MON2: variants seen among roughly 807,000 people sequenced by gnomAD.
MON2 encodes the protein protein MON2 homolog.
Under a neutral mutation model 208.6 loss-of-function variants are expected in MON2, and 84 were observed. The observed-to-expected ratio is 0.40, with a 90% confidence interval of 0.34 to 0.48. MON2 has a LOEUF of 0.48. Among genes scored for constraint, MON2 ranks in the 20% least tolerant of loss-of-function variants. MON2 has a pLI of 0.59. For synonymous variants in MON2, 660 were observed against 694.0 expected (o/e 0.95, Z 0.77); for missense variants, 1,611 against 2,015.4 (o/e 0.80, Z 3.84).
chr12:62,504,950 T>C (rs2071025870), intron 7 of MON2, among the ~76,000 whole-genome samples: 1 of 152,018 alleles, frequency 6.6e-6, no homozygotes, highest in Admixed American at 6.6e-5. Context: ...AGCTTGTAAA[T>C]GAAGGATTAA....
intron 30 of MON2, among the ~76,000 whole-genome samples, chr12:62,572,257 C>T (rs1394682301): frequency 6.6e-6 from 1 of 152,116 alleles, no homozygotes; most frequent in African/African-American, 2.4e-5. Context: ...TACTCATTGC[C>T]ACGGGTGACT....
chr12:62,509,197 C>T (rs543879479), intron 8 of MON2: 3 of 151,808 alleles, frequency 2.0e-5, no homozygotes, highest in African/African-American at 7.3e-5. Flanking sequence ...TCACTGCAAC[C>T]TCCACCTCCT....
At chr12:62,570,450 C>G (rs757375948) in intron 29 of MON2, among the ~76,000 whole-genome samples, 1 of 152,032 alleles carries the variant, frequency 6.6e-6, no homozygotes. Context: ...TTTACTCTTC[C>G]CTCACCATTA....
intron 19 of MON2, among the ~76,000 whole-genome samples, chr12:62,539,426 G>C (rs895177969): frequency 1.3e-5 from 2 of 151,872 alleles, no homozygotes; most frequent in African/African-American, 2.4e-5. Context: ...ACCACGCCCG[G>C]CTAATTTTTT....
Position 62,547,075 on chromosome 12 carries a change from A to G in MON2, c.2753+3A>G. The G allele has an allele frequency of 6.9e-7, 1 of 1,451,472 alleles. No individual in the cohort carries two copies. The highest frequency in any genetic ancestry group is 1.7e-5 in the South Asian group (1 of 60,372). The allele number at this position is 1,451,472 out of a possible 1,614,324, so 89.9% of individuals were successfully genotyped here. ...GGAGCAATCAGAAATGATCAAGGGT[A>G]AGTATTTAAAATTATTTGAGAAAAA... On this transcript the variant is annotated splice_donor_region_variant and intron_variant, in intron 22 of 34. Transcript: ENST00000393630.
Position 62,500,879 on chromosome 12 carries a change from A to T in MON2, c.662A>T (p.Gln221Leu). The change falls in exon 6 of 35, where the codon CAG becomes CTG. Residue 221 changes from glutamine (Q) to leucine (L), a missense_variant and splice_region_variant. Transcript: ENST00000393630. ...GCTAAAGATGCATATATGCTTTTCC[A>T]GGTATTTTAGTTGATAAAAGTAATT... is the stretch of plus-strand genomic sequence containing the variant. ...PCAKDAYMLF[Q>L]DLCQLVNADA... is the part of the protein sequence containing the mutation. The T allele has an allele frequency of 6.6e-7, 1 of 1,524,676 alleles. No homozygotes were observed. The highest frequency in any genetic ancestry group is 8.9e-7 in the Non-Finnish European group (1 of 1,126,376). 94.4% of individuals were successfully genotyped at this position (1,524,676 alleles called of 1,614,324 possible).
intron 34 of MON2, chr12:62,588,823 T>C: frequency 7.5e-7 from 1 of 1,333,612 alleles, no homozygotes; most frequent in Non-Finnish European, 1.0e-6. Flanking sequence ...TCTTCCCAAA[T>C]TTTTTCAACC....
chr12:62,501,947 C>A (rs1190892487), intron 7 of MON2, among the ~76,000 whole-genome samples: 1 of 151,868 alleles, frequency 6.6e-6, no homozygotes, highest in African/African-American at 2.4e-5. Context: ...AAAGGCTGGG[C>A]GCGGTGGCTC....
chr12:62,549,254 C>T (rs2073635385), intron 22 of MON2, among the ~76,000 whole-genome samples: 1 of 151,726 alleles, frequency 6.6e-6, no homozygotes, highest in Non-Finnish European at 1.5e-5. Context: ...TTAGGAGTTT[C>T]TTGTTTAAAT....
At chr12:62,539,559 GC>G (rs2136247233) in intron 19 of MON2, among the ~76,000 whole-genome samples, 2 of 152,086 alleles carry the variant, frequency 1.3e-5, no homozygotes, top group African/African-American at 4.8e-5. Context: ...GAGCCACCGC[GC>G]CCGGCCATCT....
intron 15 of MON2, 28 bp from the exon 16 acceptor site, chr12:62,537,574 T>C (rs759367401): frequency 9.4e-6 from 14 of 1,486,088 alleles, no homozygotes; most frequent in Non-Finnish European, 1.2e-5. Context: ...ATAACAATTA[T>C]TGAAAATGTA....
At chr12:62,493,140 C>G (rs1302538703) in intron 2 of MON2, among the ~76,000 whole-genome samples, 1 of 152,260 alleles carries the variant, frequency 6.6e-6, no homozygotes, top group South Asian at 2.1e-4. Context: ...GGATGACAAA[C>G]TTGTCTTATC....
chr12:62,579,451 C>T (rs936360292), intron 31 of MON2, among the ~76,000 whole-genome samples: 2 of 150,904 alleles, frequency 1.3e-5, no homozygotes, highest in East Asian at 2.0e-4. Flanking sequence ...TGGCCGGGCG[C>T]GGTGGCTCAC....
intron 1 of MON2, among the ~76,000 whole-genome samples, chr12:62,475,289 T>C (rs2135961732): frequency 6.6e-6 from 1 of 152,040 alleles, no homozygotes; most frequent in East Asian, 1.9e-4. Flanking sequence ...CAGGCTGGAG[T>C]GTAGTGGTGT....
Position 62,531,251 on chromosome 12 carries a change from T to C in MON2, c.1401-1187T>C, listed in dbSNP as rs562520523. 1.1e-4 allele frequency among the ~76,000 whole-genome samples: 17 copies of C among 152,356 alleles called. No individual in the cohort carries two copies. The South Asian group carries it at 3.5e-3, about 32-fold the overall frequency. On this transcript the variant is annotated intron_variant, in intron 11 of 34. Transcript: ENST00000393630. ...AATCTAATTTATCAATTTTTTCCTT[T>C]GTTGCTTGTGCTTTTGGTGTTATAT...
In MON2 at chr12:62,535,596, GCC is replaced by G. The variant is rs771900389; in HGVS notation, c.1788_1789del (p.Leu597CysfsTer53). ...ATGGCTGCTCTTTGTGGAAGACTGG[GCC>G]TTGTAACTTCAAGAGATGCCTTTAT... On this transcript the variant is annotated frameshift_variant, in exon 14 of 35. Transcript: ENST00000393630. LOFTEE classifies it high-confidence loss of function. 6.2e-7 allele frequency: 1 copy of G among 1,613,684 alleles called. No homozygotes were observed. Among genetic ancestry groups the G allele is most frequent in the Non-Finnish European group, 8.5e-7 (1 of 1,179,776 alleles).
intron 2 of MON2, among the ~76,000 whole-genome samples, chr12:62,485,829 G>T (rs993242864): frequency 6.6e-6 from 1 of 152,068 alleles, no homozygotes; most frequent in African/African-American, 2.4e-5. Flanking sequence ...TCAGCCACCC[G>T]AGTAGCTGAG....
At position 62,532,462 on chromosome 12, in the gene MON2, G is replaced by A. The variant is rs761900106; in HGVS notation, c.1425G>A (p.Glu475=). The A allele has an allele frequency of 3.1e-6, 5 of 1,613,704 alleles. No individual in the cohort carries two copies. Among genetic ancestry groups the A allele is most frequent in the Non-Finnish European group, 4.2e-6 (5 of 1,179,654 alleles). ...ATYLEMLDKV[E]PPTIPEGYAM... is the part of the protein sequence containing the mutation. ...GCTTAGAAATGTTGGACAAAGTTGAGCCTCCAACTATACCTGAAGGTTACG... is the reference window on the plus strand; with the variant it reads ...GCTTAGAAATGTTGGACAAAGTTGAACCTCCAACTATACCTGAAGGTTACG... Residue 475 remains glutamate (E), a synonymous_variant, in exon 12 of 35, where the codon GAG becomes GAA. Transcript: ENST00000393630.
At chr12:62,570,722 CTTTTTT>C (rs1192680038) in intron 29 of MON2, among the ~76,000 whole-genome samples, 2 of 70,860 alleles carry the variant, frequency 2.8e-5, no homozygotes, top group African/African-American at 5.9e-5. Flanking sequence ...TTTTCTTTTT[CTTTTTT>C]TTTTTTTTTT....
Sources: allele counts gnomAD v4.1 joint callset (sites outside exome capture counted in the v4.1 genomes callset), GRCh38; gene constraint gnomAD v4.1.1; transcripts MANE v1.5; gene names NCBI Gene and HGNC (gene_info 2026-07-23, HGNC 2026-07-21).